NFKBIA: variants seen among roughly 807,000 people sequenced by gnomAD.
The protein encoded by NFKBIA is NF-kappa-B inhibitor alpha.
NFKBIA carries 10 observed loss-of-function variants against 36.3 expected under a neutral mutation model. The observed-to-expected ratio is 0.28, with a 90% CI of 0.17 to 0.47. The LOEUF (loss-of-function observed/expected upper bound fraction) is 0.47, where lower values mean the gene tolerates loss of function less well. Among genes scored for constraint, NFKBIA ranks in the 20% least tolerant of loss-of-function variants. The probability of loss-of-function intolerance (pLI) is 0.99; values close to 1 mark genes in which losing one functional copy is unlikely to be tolerated. For synonymous variants in NFKBIA, 205 were observed against 164.4 expected, an observed-to-expected ratio of 1.25 and a Z score of -1.89; for missense variants, 355 against 399.3, an observed-to-expected ratio of 0.89 and a Z score of 0.94.
chr14:35,404,449 A>G lies in NFKBIA; in HGVS notation c.196T>C (p.Trp66Arg), dbSNP rs1219414058. 1.3e-6 allele frequency: 2 copies of G among 1,564,520 alleles called. No homozygotes were observed. Among genetic ancestry groups the G allele is most frequent in the Non-Finnish European group, 1.7e-6 (2 of 1,153,130 alleles). ...PQEVPRGSEP[W>R]KQQLTEDGDS... ...CCGTCCTCGGTGAGCTGCTGCTTCC[A>G]GGGCTCCGAGCCGCGCGGCACCTCC... The change falls in exon 1 of 6, where the codon TGG (tryptophan) becomes CGG (arginine). Residue 66 changes from tryptophan (W) to arginine (R), a missense_variant. Coordinates refer to ENST00000216797, the MANE Select transcript of NFKBIA (RefSeq NM_020529.3).
At chr14:35,403,579 T>TGAG in intron 2 of NFKBIA, 111 bp downstream of exon 2, 1 of 891,712 alleles carries the variant, frequency 1.1e-6, no homozygotes, top group South Asian at 1.4e-5. Flanking sequence ...AAGTAAAAGG[T>TGAG]GAGGGTAAAT....
At chr14:35,402,985 A>C in intron 3 of NFKBIA, 126 bp from the exon 4 acceptor site, 1 of 1,259,878 alleles carries the variant, frequency 7.9e-7, no homozygotes. Context: ...GTTCTGAAAG[A>C]ACTTTATAAA....
chr14:35,401,935 C>CT lies in NFKBIA; in HGVS notation c.*77dup, dbSNP rs796572462. ...AAGTACACCCTTTAAATTTTTTCTT[C>CT]TTTTTTCTTTTTTTAGAAAAATAAA... On this transcript the variant is annotated 3_prime_UTR_variant, in exon 6 of 6. Transcript: ENST00000216797. 1.9e-6 allele frequency: 3 copies of CT among 1,547,550 alleles called. No homozygotes were observed. The highest frequency in any genetic ancestry group is 2.3e-5 in the South Asian group (2 of 87,988).
Position 35,402,780 on chromosome 14 carries a change from G to A in NFKBIA, c.627C>T (p.Val209=), listed in dbSNP as rs778172206. The part of the protein sequence containing the change: ...VELLVSLGAD[V]NAQEPCNGRT... ...GGCAGGAAGCACCAACCTGAGCATT[G>A]ACATCAGCACCCAAGGACACCAAAA... The change falls in exon 4 of 6, where the codon GTC becomes GTT. Residue 209 remains valine, a synonymous_variant. Transcript: ENST00000216797. The A allele has an allele frequency of 3.2e-5, 51 of 1,613,934 alleles. No homozygotes were observed. The highest frequency in any genetic ancestry group is 4.2e-5 in the Non-Finnish European group (50 of 1,179,922).
At chr14:35,403,981 C>A (rs992017189) in intron 1 of NFKBIA, 183 bp from the exon 2 acceptor site, 5 of 611,118 alleles carry the variant, frequency 8.2e-6, no homozygotes, top group Non-Finnish European at 1.2e-5. Flanking sequence ...CCGCCCCCCT[C>A]CCCCCGCGGC....
intron 5 of NFKBIA, among the ~76,000 whole-genome samples, 155 bp downstream of exon 5, chr14:35,402,239 G>A (rs2052735681): frequency 3.9e-5 from 1 of 25,786 alleles, no homozygotes; most frequent in Non-Finnish European, 9.4e-5. Flanking sequence ...AAAAAGAGGG[G>A]GGGCAGGTAC....
chr14:35,401,850 A>G lies in NFKBIA; in HGVS notation c.*163T>C. 1.4e-6 allele frequency: 1 copy of G among 737,656 alleles called. No homozygotes were observed. The highest frequency in any genetic ancestry group is 2.3e-6 in the Non-Finnish European group (1 of 436,878). 45.7% of individuals were successfully genotyped at this position (737,656 alleles called of 1,614,324 possible). ...ACAAAAAGTTCACAAAAGCAACAAA[A>G]TGAGGGCTGATCCTACCACAATAAG... On this transcript the variant is annotated 3_prime_UTR_variant, in exon 6 of 6. Transcript: ENST00000216797.
chr14:35,402,413 G>C lies in NFKBIA; in HGVS notation c.887C>G (p.Thr296Arg), dbSNP rs201191831. Reference sequence around the variant, plus strand: ...ACTCACCTCGTCCTCTGTGAACTCCGTGAACTCTGACTCTGTGTCATAGCT... The same window carrying C: ...ACTCACCTCGTCCTCTGTGAACTCCCTGAACTCTGACTCTGTGTCATAGCT... The part of the protein sequence containing the change: ...EESYDTESEF[T>R]EFTEDELPYD... The change falls in exon 5 of 6, where the codon ACG (threonine) becomes AGG (arginine). Residue 296 changes from threonine to arginine, a missense_variant. Thr to Arg is a moderately conservative substitution (Grantham distance 71, BLOSUM62 -1). Transcript: ENST00000216797. 3 of 1,614,124 alleles carry C rather than the reference G, an allele frequency of 1.9e-6. No homozygotes were observed. In the African/African-American group the frequency reaches 4.0e-5, roughly 22 times the overall value.
chr14:35,404,350 C>CG, intron 1 of NFKBIA, 68 bp downstream of exon 1: 2 of 1,188,282 alleles, frequency 1.7e-6, no homozygotes, highest in Non-Finnish European at 2.2e-6. Flanking sequence ...GGCCCGGCGC[C>CG]TCCCACCCCC....
intron 1 of NFKBIA, 186 bp from the exon 2 acceptor site, chr14:35,403,984 C>A: frequency 6.5e-6 from 4 of 615,228 alleles, no homozygotes; most frequent in Non-Finnish European, 1.2e-5. Context: ...CCCCCCTCCC[C>A]CCGCGGCCCC....
Position 35,402,495 on chromosome 14 carries a change from G to C in NFKBIA, c.805C>G (p.Leu269Val). The C allele has an allele frequency of 6.2e-7, 1 of 1,614,214 alleles. No individual in the cohort carries two copies. The highest frequency in any genetic ancestry group is 8.5e-7 in the Non-Finnish European group (1 of 1,180,042). ...GRPSTRIQQQ[L>V]GQLTLENLQM... is the part of the protein sequence containing the mutation. ...AGGTTTTCTAGTGTCAGCTGGCCCA[G>C]CTGCTGCTGTATCCGGGTGCTTGGG... Residue 269 changes from leucine to valine, a missense_variant, in exon 5 of 6, where the codon CTG becomes GTG. By Grantham distance (32) the Leu-to-Val change is conservative. Coordinates refer to ENST00000216797, the MANE Select transcript of NFKBIA (RefSeq NM_020529.3).
chr14:35,401,655 A>G lies in NFKBIA; in HGVS notation c.*358T>C, dbSNP rs1934796805. 7 of 390,074 alleles carry G rather than the reference A, an allele frequency of 1.8e-5. 1 individual carries two copies. The South Asian group carries it at 2.3e-4, about 13-fold the overall frequency. 24.2% of individuals were successfully genotyped at this position (390,074 alleles called of 1,614,324 possible). A position where few individuals can be genotyped will look rare whatever the true frequency, so the allele number is the denominator to read the frequency against. ...CACCCCACATCACTGAACGCTTAACACTCCTGGCTGTTACATGTCACAGGA... is the reference window on the plus strand; with the variant it reads ...CACCCCACATCACTGAACGCTTAACGCTCCTGGCTGTTACATGTCACAGGA... On this transcript the variant is annotated 3_prime_UTR_variant, in exon 6 of 6. Coordinates refer to ENST00000216797, the MANE Select transcript of NFKBIA (RefSeq NM_020529.3).
At chr14:35,403,015 G>A in intron 3 of NFKBIA, 135 bp downstream of exon 3, 1 of 1,257,336 alleles carries the variant, frequency 8.0e-7, no homozygotes, top group Non-Finnish European at 1.1e-6. Context: ...TAGGCACTTT[G>A]CACACATATT....
In NFKBIA at chr14:35,401,670, A is replaced by G. The variant is rs927389523; in HGVS notation, c.*343T>C. 9 of 411,612 alleles carry G rather than the reference A, an allele frequency of 2.2e-5. No individual in the cohort carries two copies. The highest frequency in any genetic ancestry group is 2.9e-5 in the South Asian group (1 of 34,380). The allele number at this position is 411,612 out of a possible 1,614,324, so 25.5% of individuals were successfully genotyped here. On this transcript the variant is annotated 3_prime_UTR_variant, in exon 6 of 6. Transcript: ENST00000216797. Reference sequence around the variant, plus strand: ...AACGCTTAACACTCCTGGCTGTTACATGTCACAGGATACCACTGGGGTCAG... The same window carrying G: ...AACGCTTAACACTCCTGGCTGTTACGTGTCACAGGATACCACTGGGGTCAG...
intron 5 of NFKBIA, 86 bp from the exon 6 acceptor site, chr14:35,402,146 T>TCC: frequency 6.6e-7 from 1 of 1,514,470 alleles, no homozygotes. Flanking sequence ...CTACTGGAAA[T>TCC]AACTCTTGGA....
chr14:35,404,019 G>A (rs1367787389), intron 1 of NFKBIA: 4 of 544,798 alleles, frequency 7.3e-6, no homozygotes, highest in South Asian at 2.0e-5. Context: ...AGACCGCCCC[G>A]CCCTCCCGCC....
rs941487117 is a variant in NFKBIA, at chr14:35,403,811, G to A, written c.228-13C>T. ...CAAGTGCAGGAACCTGTGGGGAAGAGAGGGAAAAACCCCAGGGGTGGTGAG... is the reference window on the plus strand; with the variant it reads ...CAAGTGCAGGAACCTGTGGGGAAGAAAGGGAAAAACCCCAGGGGTGGTGAG... On this transcript the variant is annotated splice_polypyrimidine_tract_variant and intron_variant, in intron 1 of 5. Coordinates refer to ENST00000216797, the MANE Select transcript of NFKBIA (RefSeq NM_020529.3). 3.7e-6 allele frequency: 6 copies of A among 1,603,534 alleles called. No homozygotes were observed. The highest frequency in any genetic ancestry group is 4.3e-6 in the Non-Finnish European group (5 of 1,172,154).
chr14:35,403,087 C>A, intron 3 of NFKBIA, 63 bp downstream of exon 3: 1 of 1,568,986 alleles, frequency 6.4e-7, no homozygotes, highest in Non-Finnish European at 8.7e-7. Flanking sequence ...GTTGGCCCAC[C>A]TGCCCCTTCT....
At chr14:35,404,373 T>TAC in intron 1 of NFKBIA, 45 bp downstream of exon 1, 1 of 803,534 alleles carries the variant, frequency 1.2e-6, no homozygotes, top group Non-Finnish European at 1.8e-6. Flanking sequence ...GCCGCGCGCG[T>TAC]CCCGCCCTCC....
Sources: gnomAD v4.1 joint callset for allele counts (sites outside exome capture counted in the v4.1 genomes callset) on GRCh38, gnomAD v4.1.1 for gene constraint, MANE v1.5 for transcripts, NCBI Gene and HGNC (gene_info 2026-07-23, HGNC 2026-07-21) for gene names.